NARF: variants seen among roughly 807,000 people sequenced by gnomAD.
The protein encoded by NARF is nuclear prelamin A recognition factor.
In NARF, 41 loss-of-function variants were observed where a neutral mutation model predicts 48.0. The ratio of observed to expected loss-of-function variants is 0.85; its 90% CI spans 0.66 to 1.11. The LOEUF is 1.11. Among genes scored for constraint, NARF ranks in the 50% least tolerant of loss-of-function variants. The pLI is 0.00. For missense variants in NARF, 613 were observed against 590.2 expected, an observed-to-expected ratio of 1.04 and a Z score of -0.40; for synonymous variants, 215 against 225.5, an observed-to-expected ratio of 0.95 and a Z score of 0.42.
chr17:82,484,965 C>G lies in NARF; in HGVS notation c.971+15C>G. The G allele has an allele frequency of 6.3e-7, 1 of 1,589,708 alleles. No individual in the cohort carries two copies. The highest frequency in any genetic ancestry group is 1.3e-5 in the African/African-American group (1 of 74,494). Reference sequence around the variant, plus strand: ...CGAGCCCTGAGGTGTGGGGCAGTATCCACAGCCTGTCTGTGCCTGTGGTTA... The same window carrying G: ...CGAGCCCTGAGGTGTGGGGCAGTATGCACAGCCTGTCTGTGCCTGTGGTTA... On this transcript the variant is annotated intron_variant, in intron 9 of 10. Transcript: ENST00000309794.
At chr17:82,459,498 C>T (rs2043378343) in intron 1 of NARF, 1 of 153,384 alleles carries the variant, frequency 6.5e-6, no homozygotes, top group Non-Finnish European at 1.5e-5. Context: ...GCTACAGTTG[C>T]TTCTGCTTTT....
At chr17:82,464,590 C>G (rs1367996191) in intron 3 of NARF, among the ~76,000 whole-genome samples, 160 bp downstream of exon 3, 1 of 152,214 alleles carries the variant, frequency 6.6e-6, no homozygotes. Context: ...CCAAACCTCT[C>G]CATCAAGAGC....
In NARF at chr17:82,483,747, C is replaced by G. The variant is rs777092843; in HGVS notation, c.801C>G (p.Asp267Glu). The change falls in exon 8 of 11, where the codon GAC (aspartate) becomes GAG (glutamate). Residue 267 changes from aspartate to glutamate, a missense_variant. Coordinates refer to ENST00000309794, the MANE Select transcript of NARF (RefSeq NM_012336.4). ...GEIAQIMEQG[D>E]LSVRDAAVDT... The stretch of plus-strand genomic sequence containing the variant: ...TTGCTCAAATAATGGAGCAAGGTGA[C>G]CTCTCAGTGAGAGATGCTGCCGTCG... The G allele has an allele frequency of 1.2e-6, 2 of 1,613,762 alleles. No homozygotes were observed. The highest frequency in any genetic ancestry group is 1.7e-6 in the Non-Finnish European group (2 of 1,179,994).
chr17:82,462,104 C>T (rs369428229), intron 2 of NARF, among the ~76,000 whole-genome samples: 7 of 152,166 alleles, frequency 4.6e-5, no homozygotes, highest in African/African-American at 1.7e-4. Flanking sequence ...AGTAGGGTTA[C>T]CTCCCTCCCA....
At chr17:82,466,625 G>A (rs978014963) in intron 3 of NARF, among the ~76,000 whole-genome samples, 1 of 151,970 alleles carries the variant, frequency 6.6e-6, no homozygotes, top group South Asian at 2.1e-4. Flanking sequence ...GCTAATTTTT[G>A]CATTTTTAGT....
At chr17:82,458,959 A>T in intron 1 of NARF, 129 bp downstream of exon 1, 1 of 1,221,444 alleles carries the variant, frequency 8.2e-7, no homozygotes, top group Non-Finnish European at 1.0e-6. Context: ...CGGCCTCGGC[A>T]CCCTGGGCCC....
chr17:82,480,494 C>T, intron 6 of NARF: 2 of 402,456 alleles, frequency 5.0e-6, no homozygotes, highest in Non-Finnish European at 8.8e-6. Context: ...GAGGACCACA[C>T]CCAGTCCTGA....
At chr17:82,461,817 C>T (rs756494476) in intron 2 of NARF, among the ~76,000 whole-genome samples, 1 of 152,138 alleles carries the variant, frequency 6.6e-6, no homozygotes, top group Non-Finnish European at 1.5e-5. Flanking sequence ...GTTTAGTAGT[C>T]CTGACATGTT....
chr17:82,464,736 T>A (rs1255045822), intron 3 of NARF, among the ~76,000 whole-genome samples: 1 of 152,198 alleles, frequency 6.6e-6, no homozygotes, highest in Non-Finnish European at 1.5e-5. Context: ...TTGGTGATCA[T>A]GCGGGCAGCA....
intron 2 of NARF, chr17:82,463,490 C>T (rs2043485703): frequency 6.6e-6 from 1 of 152,182 alleles, no homozygotes. Flanking sequence ...TGCTGAAGGC[C>T]ACCCAGGGTG....
intron 6 of NARF, 197 bp from the exon 7 acceptor site, chr17:82,480,882 AGAT>A: frequency 3.1e-6 from 2 of 644,464 alleles, no homozygotes; most frequent in Non-Finnish European, 5.2e-6. Context: ...CAGTGAGCTG[AGAT>A]CACGCCACTG....
intron 3 of NARF, among the ~76,000 whole-genome samples, chr17:82,466,872 T>A (rs1469538432): frequency 6.6e-6 from 1 of 152,188 alleles, no homozygotes; most frequent in East Asian, 1.9e-4. Context: ...TCCATTTGTT[T>A]CTTTTTTTTC....
At chr17:82,472,749 C>T (rs2043742419) in intron 5 of NARF, 51 bp downstream of exon 5, 7 of 1,579,850 alleles carry the variant, frequency 4.4e-6, no homozygotes, top group African/African-American at 2.7e-5. Flanking sequence ...AAAGAGGTTT[C>T]ACAAGATTCT....
At chr17:82,487,258 C>T (rs1476126110) in intron 10 of NARF, among the ~76,000 whole-genome samples, 1 of 151,568 alleles carries the variant, frequency 6.6e-6, no homozygotes, top group African/African-American at 2.4e-5. Flanking sequence ...CCGAGGTGGT[C>T]GGATTACCTG....
At chr17:82,463,808 C>T (rs1166394770) in intron 2 of NARF, 3 of 155,884 alleles carry the variant, frequency 1.9e-5, no homozygotes, top group Non-Finnish European at 4.3e-5. Flanking sequence ...AACCCAGAGC[C>T]AGCACTGAGT....
chr17:82,460,383 T>G, intron 2 of NARF: 1 of 201,884 alleles, frequency 5.0e-6, no homozygotes, highest in Non-Finnish European at 1.0e-5. Flanking sequence ...GAGAATTGCT[T>G]GACCCTGGAA....
intron 4 of NARF, among the ~76,000 whole-genome samples, chr17:82,471,770 C>T (rs1277947699): frequency 8.1e-5 from 8 of 99,068 alleles, no homozygotes; most frequent in African/African-American, 3.2e-4. Context: ...CCAGCTTGCG[C>T]GAAAGAGTGA....
chr17:82,460,089 G>A lies in NARF; in HGVS notation c.108+17G>A. Reference sequence around the variant, plus strand: ...AATGGAGAGGCAAGTAGATTTTTCAGTTTTGTATCAGCCCAGAGTAAACTA... The same window carrying A: ...AATGGAGAGGCAAGTAGATTTTTCAATTTTGTATCAGCCCAGAGTAAACTA... On this transcript the variant is annotated intron_variant, in intron 2 of 10. Coordinates refer to ENST00000309794, the MANE Select transcript of NARF (RefSeq NM_012336.4). 1 of 1,609,038 alleles carries A rather than the reference G, an allele frequency of 6.2e-7. No homozygotes were observed. Among genetic ancestry groups the A allele is most frequent in the South Asian group, 1.1e-5 (1 of 90,906 alleles).
rs777106382 is a variant in NARF, at chr17:82,484,891, A to G, written c.912A>G (p.Arg304=). The change falls in exon 9 of 11, where the codon AGA becomes AGG. Residue 304 remains arginine (R), a synonymous_variant. Transcript: ENST00000309794. The stretch of plus-strand genomic sequence containing the variant: ...ACGGGCACCTGGCACACATCTTCAG[A>G]CATGCGGCCAAGGAGCTGTTCAACG... ...SSDGHLAHIF[R]HAAKELFNED... is the part of the protein sequence containing the mutation. 3.1e-6 allele frequency: 5 copies of G among 1,613,352 alleles called. No individual in the cohort carries two copies. The highest frequency in any genetic ancestry group is 4.2e-6 in the Non-Finnish European group (5 of 1,179,716).
Sources: gnomAD v4.1 joint callset for allele counts (sites outside exome capture counted in the v4.1 genomes callset) on GRCh38, gnomAD v4.1.1 for gene constraint, MANE v1.5 for transcripts, NCBI Gene and HGNC (gene_info 2026-07-23, HGNC 2026-07-21) for gene names.